Variants in XKR6 observed in about 807,000 individuals in gnomAD.
XKR6 encodes the protein XK related 6, also known as XK-related protein 6.
A neutral mutation model predicts 56.7 loss-of-function variants in XKR6; 22 were observed. The ratio of observed to expected loss-of-function variants is 0.39; its 90% CI spans 0.28 to 0.55. XKR6 has a LOEUF of 0.55. XKR6 is among the 20% of genes least tolerant of loss of function. The pLI is 0.66. For missense variants in XKR6, 852 were observed against 889.0 expected (o/e 0.96, Z 0.53); for synonymous variants, 524 against 387.8 (o/e 1.35, Z -4.13).
At chr8:10,959,200 C>G (rs1336535260) in intron 1 of XKR6, among the ~76,000 whole-genome samples, 2 of 152,148 alleles carry the variant, frequency 1.3e-5, no homozygotes, top group Non-Finnish European at 2.9e-5. Flanking sequence ...TCTCCAGTGT[C>G]CCTCCCTCCC....
intron 1 of XKR6, among the ~76,000 whole-genome samples, chr8:11,178,555 T>C (rs1397054303): frequency 7.1e-6 from 1 of 141,444 alleles, no homozygotes; most frequent in Non-Finnish European, 1.5e-5. Flanking sequence ...AAAATATATA[T>C]ATATATATAT....
intron 1 of XKR6, among the ~76,000 whole-genome samples, chr8:11,097,910 A>G (rs1251071395): frequency 6.6e-6 from 1 of 151,882 alleles, no homozygotes; most frequent in African/African-American, 2.4e-5. Context: ...AGTGTTAGTA[A>G]CATCTAAGGC....
intron 1 of XKR6, among the ~76,000 whole-genome samples, chr8:10,925,443 C>A (rs950403695): frequency 6.6e-6 from 1 of 152,172 alleles, no homozygotes; most frequent in Non-Finnish European, 1.5e-5. Flanking sequence ...GGATCACATC[C>A]AGGCCACTGG....
rs143808427 is a variant in XKR6 at position 11,017,016 on chromosome 8, G to A, written c.765-92186C>T. Among the ~76,000 whole-genome samples, 936 of 152,330 alleles carry A rather than the reference G, an allele frequency of 6.1e-3. 7 individuals carry two copies. The highest frequency in any genetic ancestry group is 0.022 in the African/African-American group (895 of 41,568). Reference sequence around the variant, plus strand: ...ACTGATAAGATGAAAGATGTAGATGGTAGAGATTTGCATACATATGGATAG... The same window carrying A: ...ACTGATAAGATGAAAGATGTAGATGATAGAGATTTGCATACATATGGATAG... On this transcript the variant is annotated intron_variant, in intron 1 of 2. Transcript: ENST00000416569.
chr8:11,024,207 GTGTGTGTGT>G (rs1563352292), intron 1 of XKR6, among the ~76,000 whole-genome samples: 7 of 45,458 alleles, frequency 1.5e-4, no homozygotes, highest in African/African-American at 1.1e-3. Flanking sequence ...GTTAGGAGGT[GTGTGTGTGT>G]GTGTGTGTGT....
rs3736013 is a variant in XKR6, at chr8:11,137,634, T to C, written c.764+62942A>G. The C allele has an allele frequency of 1.7e-3, 794 of 456,106 alleles. 13 individuals carry two copies. The East Asian group carries it at 0.042, about 24-fold the overall frequency. 28.3% of individuals were successfully genotyped at this position (456,106 alleles called of 1,614,324 possible). ...CCAAATGAACTCAGGAGACAATGAA[T>C]GGAAACACCATGCCATGGTGTGAGC... On this transcript the variant is annotated intron_variant, in intron 1 of 2. Coordinates refer to ENST00000416569, the MANE Select transcript of XKR6 (RefSeq NM_173683.4).
At chr8:11,083,089 G>C (rs902879060) in intron 1 of XKR6, among the ~76,000 whole-genome samples, 8 of 152,090 alleles carry the variant, frequency 5.3e-5, no homozygotes, top group African/African-American at 1.9e-4. Flanking sequence ...TGGAACTCGG[G>C]GGCTGCTGCA....
intron 1 of XKR6, among the ~76,000 whole-genome samples, chr8:11,166,854 C>T (rs1026087516): frequency 2.0e-5 from 3 of 152,282 alleles, no homozygotes; most frequent in Admixed American, 6.5e-5. Context: ...AGATTACAGG[C>T]GTGAGCCACC....
chr8:11,045,169 C>G (rs1446313372), intron 1 of XKR6, among the ~76,000 whole-genome samples: 1 of 142,518 alleles, frequency 7.0e-6, no homozygotes, highest in South Asian at 2.3e-4. Flanking sequence ...TCATTGCAAC[C>G]TCTGCCTCCA....
At position 11,161,404 on chromosome 8, in the gene XKR6, T is replaced by C. The variant is rs553072937; in HGVS notation, c.764+39172A>G. Among the ~76,000 whole-genome samples the C allele has an allele frequency of 3.3e-5, 5 of 152,360 alleles. No homozygotes were observed. The East Asian group carries it at 7.7e-4, about 24-fold the overall frequency. On this transcript the variant is annotated intron_variant, in intron 1 of 2. Coordinates refer to ENST00000416569, the MANE Select transcript of XKR6 (RefSeq NM_173683.4). Reference sequence around the variant, plus strand: ...CACCTGAACCAGCCTAATTCCCGTCTAGTGCCTTTGCTCATGATGTCCCTA... The same window carrying C: ...CACCTGAACCAGCCTAATTCCCGTCCAGTGCCTTTGCTCATGATGTCCCTA...
chr8:11,108,162 G>A (rs766935108), intron 1 of XKR6: 19 of 390,498 alleles, frequency 4.9e-5, no homozygotes, highest in Non-Finnish European at 1.5e-5. Context: ...AGATAATCGG[G>A]TGCATCTGTT....
chr8:11,070,101 G>C (rs951402384), intron 1 of XKR6, among the ~76,000 whole-genome samples: 5 of 152,160 alleles, frequency 3.3e-5, no homozygotes, highest in African/African-American at 1.2e-4. Flanking sequence ...TCTGGACATG[G>C]GAGTCCTGAC....
chr8:10,901,588 G>C (rs951425225), intron 2 of XKR6, among the ~76,000 whole-genome samples: 1 of 152,180 alleles, frequency 6.6e-6, no homozygotes, highest in Admixed American at 6.5e-5. Flanking sequence ...ACTGCTTGAT[G>C]TTAATCATGA....
chr8:11,088,016 T>C (rs1418023764), intron 1 of XKR6, among the ~76,000 whole-genome samples: 1 of 152,250 alleles, frequency 6.6e-6, no homozygotes, highest in African/African-American at 2.4e-5. Flanking sequence ...CACTGTCAGA[T>C]TGAAAATTGT....
rs566526562 is a variant in XKR6 at position 11,005,461 on chromosome 8, G to A, written c.765-80631C>T. On this transcript the variant is annotated intron_variant, in intron 1 of 2. Coordinates refer to ENST00000416569, the MANE Select transcript of XKR6 (RefSeq NM_173683.4). ...TGGGCATGGAGTTTCCATTTGGGAA[G>A]ATGAAAATGTTCTGGAAATGGACGG... Among the ~76,000 whole-genome samples, 576 of 152,204 alleles carry A rather than the reference G, an allele frequency of 3.8e-3. 3 individuals carry two copies. The highest frequency in any genetic ancestry group is 0.013 in the African/African-American group (550 of 41,520).
chr8:10,960,404 C>G (rs1393409931), intron 1 of XKR6, among the ~76,000 whole-genome samples: 1 of 152,196 alleles, frequency 6.6e-6, no homozygotes, highest in Admixed American at 6.5e-5. Context: ...GCCCCAGTCT[C>G]CTGGTCAAGA....
At chr8:11,085,988 C>G (rs903596423) in intron 1 of XKR6, among the ~76,000 whole-genome samples, 1 of 152,114 alleles carries the variant, frequency 6.6e-6, no homozygotes, top group Non-Finnish European at 1.5e-5. Flanking sequence ...GAATCACTCA[C>G]TTAAGCTCTA....
chr8:10,928,153 G>A (rs1236937454), intron 1 of XKR6, among the ~76,000 whole-genome samples: 2 of 152,218 alleles, frequency 1.3e-5, no homozygotes, highest in African/African-American at 4.8e-5. Flanking sequence ...GAGGGCCCAG[G>A]TGCCAGAACG....
At chr8:10,989,801 C>T (rs1048506181) in intron 1 of XKR6, among the ~76,000 whole-genome samples, 9 of 152,188 alleles carry the variant, frequency 5.9e-5, no homozygotes, top group Admixed American at 1.3e-4. Flanking sequence ...GGGTCACAGA[C>T]TATTAGGAAG....
Sources: gnomAD v4.1 joint callset for allele counts (sites outside exome capture counted in the v4.1 genomes callset) on GRCh38, gnomAD v4.1.1 for gene constraint, MANE v1.5 for transcripts, NCBI Gene and HGNC (gene_info 2026-07-23, HGNC 2026-07-21) for gene names.